The following RELN variants were observed in gnomAD, a reference collection of about 807,000 sequenced individuals.
RELN encodes reelin.
A neutral mutation model predicts 427.6 loss-of-function variants in RELN; 108 were observed. That is an observed-to-expected ratio of 0.25 (90% CI 0.22 to 0.30). The LOEUF is 0.30. RELN is among the 10% of genes least tolerant of loss of function. The pLI is 1.00. For missense variants in RELN, 3,715 were observed against 4,302.8 expected (o/e 0.86, Z 3.82); for synonymous variants, 1,524 against 1,513.4 (o/e 1.01, Z -0.16).
intron 1 of RELN, among the ~76,000 whole-genome samples, chr7:103,956,209 T>C (rs1796431443): frequency 6.6e-6 from 1 of 152,144 alleles, no homozygotes; most frequent in East Asian, 1.9e-4. Flanking sequence ...CATTCAAAGG[T>C]TCAGTTGCAA....
chr7:103,922,571 C>T (rs1008646309), intron 1 of RELN, among the ~76,000 whole-genome samples: 1 of 151,980 alleles, frequency 6.6e-6, no homozygotes, highest in Admixed American at 6.6e-5. Flanking sequence ...GGTGTGACTG[C>T]GGAATGAAAA....
intron 49 of RELN, among the ~76,000 whole-genome samples, chr7:103,516,761 T>G (rs1478085931): frequency 6.6e-6 from 1 of 152,180 alleles, no homozygotes; most frequent in Admixed American, 6.5e-5. Flanking sequence ...GTCTTTCACA[T>G]TAAAGAGATT....
intron 43 of RELN, 38 bp downstream of exon 43, chr7:103,542,693 C>T (rs758125225): frequency 1.1e-5 from 18 of 1,609,848 alleles, no homozygotes; most frequent in Middle Eastern, 3.3e-4. Context: ...TTATACATTA[C>T]GATGTGGTTT....
chr7:103,920,735 G>T (rs2116681859), intron 1 of RELN, among the ~76,000 whole-genome samples: 1 of 152,052 alleles, frequency 6.6e-6, no homozygotes. Context: ...CACCATGTGT[G>T]GCTAATGAAT....
intron 11 of RELN, among the ~76,000 whole-genome samples, chr7:103,664,799 T>C (rs1376899809): frequency 6.6e-6 from 1 of 152,140 alleles, no homozygotes. Context: ...TTATGTCCAT[T>C]TTGTATTAGG....
chr7:103,856,845 T>G (rs6977666), intron 2 of RELN, among the ~76,000 whole-genome samples: 21,782 of 152,016 alleles, frequency 0.14, 1,863 homozygotes, highest in East Asian at 0.34. Context: ...AATTATATAT[T>G]TGTCGATTTA....
intron 3 of RELN, among the ~76,000 whole-genome samples, chr7:103,816,955 G>A (rs1229938884): frequency 3.9e-5 from 6 of 151,994 alleles, no homozygotes; most frequent in East Asian, 1.9e-4. Context: ...AGGTTCAAGC[G>A]ATTCTCCTGC....
intron 36 of RELN, 111 bp downstream of exon 36, chr7:103,561,421 T>C (rs1178494370): frequency 1.1e-6 from 1 of 924,422 alleles, no homozygotes; most frequent in African/African-American, 1.6e-5. Context: ...TAACTATGTA[T>C]TAAATATTAT....
chr7:103,985,013 A>C (rs1174490125), intron 1 of RELN, among the ~76,000 whole-genome samples: 1 of 152,230 alleles, frequency 6.6e-6, no homozygotes, highest in Non-Finnish European at 1.5e-5. Context: ...ATTTCAGAAC[A>C]CGTGTGCCTT....
At chr7:103,919,579 A>G (rs149716325) in intron 1 of RELN, among the ~76,000 whole-genome samples, 4 of 152,076 alleles carry the variant, frequency 2.6e-5, no homozygotes, top group Non-Finnish European at 4.4e-5. Context: ...CTCTCCCCCA[A>G]CCTAAAAGGG....
chr7:103,843,127 G>A (rs536890303), intron 2 of RELN, among the ~76,000 whole-genome samples: 3 of 152,236 alleles, frequency 2.0e-5, no homozygotes, highest in Admixed American at 6.5e-5. Context: ...AAGAGTAAGT[G>A]AGTGTACGGC....
At chr7:103,770,704 C>T (rs1791546364) in intron 4 of RELN, among the ~76,000 whole-genome samples, 1 of 151,590 alleles carries the variant, frequency 6.6e-6, no homozygotes, top group South Asian at 2.1e-4. Flanking sequence ...ATTGGGTCCA[C>T]AGTAATATAT....
intron 30 of RELN, 23 bp from the exon 31 acceptor site, chr7:103,572,283 T>A: frequency 7.5e-7 from 1 of 1,330,886 alleles, no homozygotes. Flanking sequence ...AACTTTAGTT[T>A]ACTTACAAAC....
chr7:103,766,145 G>A (rs957147225), intron 4 of RELN, among the ~76,000 whole-genome samples: 7 of 152,174 alleles, frequency 4.6e-5, no homozygotes, highest in Admixed American at 2.0e-4. Flanking sequence ...AAGATCGGGG[G>A]TTCCTGGATG....
intron 25 of RELN, among the ~76,000 whole-genome samples, chr7:103,594,805 C>T (rs940505347): frequency 6.6e-6 from 1 of 152,026 alleles, no homozygotes; most frequent in Non-Finnish European, 1.5e-5. Context: ...AAAGAAATAT[C>T]AAGATAAAAT....
chr7:103,802,031 G>C (rs1285223059), intron 3 of RELN, among the ~76,000 whole-genome samples: 1 of 152,168 alleles, frequency 6.6e-6, no homozygotes, highest in Non-Finnish European at 1.5e-5. Context: ...ACATAGTTAA[G>C]TGTCAGTATA....
chr7:103,604,330 T>C lies in RELN; in HGVS notation c.3146+16A>G, dbSNP rs749284590. On this transcript the variant is annotated intron_variant, in intron 23 of 64. Transcript: ENST00000428762. ...TTGAGAAGCATGGACCTCATCGTGC[T>C]TTCTGGTGCACATACCTGCATATGC... 4.8e-5 allele frequency: 78 copies of C among 1,613,718 alleles called. 1 individual carries two copies. The highest frequency in any genetic ancestry group is 3.3e-4 in the Admixed American group (20 of 59,992).
At chr7:103,804,570 G>A (rs1234161500) in intron 3 of RELN, among the ~76,000 whole-genome samples, 2 of 152,126 alleles carry the variant, frequency 1.3e-5, no homozygotes, top group African/African-American at 4.8e-5. Context: ...AAGAAATATG[G>A]TCATAAATAA....
chr7:103,946,942 A>G (rs182631289), intron 1 of RELN, among the ~76,000 whole-genome samples: 1 of 152,336 alleles, frequency 6.6e-6, no homozygotes, highest in Non-Finnish European at 1.5e-5. Context: ...TGTAAGTGGT[A>G]TGCTAAAGGC....
Sources: gnomAD v4.1 joint callset for allele counts (sites outside exome capture counted in the v4.1 genomes callset) on GRCh38, gnomAD v4.1.1 for gene constraint, MANE v1.5 for transcripts, NCBI Gene and HGNC (gene_info 2026-07-23, HGNC 2026-07-21) for gene names.